Variants in RAPGEF5 observed in about 807,000 individuals in gnomAD.
The protein encoded by RAPGEF5 is Rap guanine nucleotide exchange factor 5, also known as M-Ras-regulated GEF.
A neutral mutation model predicts 125.2 loss-of-function variants in RAPGEF5; 65 were observed. That is an observed-to-expected ratio of 0.52 (90% confidence interval 0.43 to 0.64). The LOEUF (loss-of-function observed/expected upper bound fraction) is 0.64, where lower values mean the gene tolerates loss of function less well. Ranked by LOEUF, RAPGEF5 falls within the 30% of genes least tolerant of loss-of-function variation. The pLI, the probability that RAPGEF5 is intolerant of heterozygous loss-of-function variation, is 0.00. For synonymous variants in RAPGEF5, 391 were observed against 385.9 expected, an observed-to-expected ratio of 1.01 and a Z score of -0.16; for missense variants, 958 against 1,048.1, an observed-to-expected ratio of 0.91 and a Z score of 1.19.
chr7:22,265,787 G>C (rs1406400366), intron 7 of RAPGEF5, among the ~76,000 whole-genome samples: 1 of 152,134 alleles, frequency 6.6e-6, no homozygotes, highest in Non-Finnish European at 1.5e-5. Context: ...GGGATGAGGA[G>C]AAATCTCAAT....
intron 3 of RAPGEF5, among the ~76,000 whole-genome samples, chr7:22,310,840 T>C (rs1474374427): frequency 6.6e-6 from 1 of 152,336 alleles, no homozygotes; most frequent in South Asian, 2.1e-4. Context: ...ATTTTTGTAA[T>C]CTGTCTTAAA....
chr7:22,272,219 C>T (rs28702400), intron 6 of RAPGEF5, among the ~76,000 whole-genome samples: 23,051 of 150,984 alleles, frequency 0.15, 1,818 homozygotes, highest in South Asian at 0.23. Context: ...TGCACGCACC[C>T]GTAATCTCAG....
At chr7:22,260,100 A>AT (rs1782112744) in intron 7 of RAPGEF5, among the ~76,000 whole-genome samples, 1 of 152,188 alleles carries the variant, frequency 6.6e-6, no homozygotes, top group African/African-American at 2.4e-5. Flanking sequence ...AAAAAAAAAA[A>AT]AAATTAATGG....
chr7:22,125,322 G>A (rs188684471), intron 25 of RAPGEF5: 12 of 330,618 alleles, frequency 3.6e-5, no homozygotes, highest in Admixed American at 8.6e-5. Flanking sequence ...AGGAGTCAGC[G>A]GGAGTTGCGG....
Position 22,132,938 on chromosome 7 carries a change from A to C in RAPGEF5, c.2417-1837T>G, listed in dbSNP as rs375262947. Among the ~76,000 whole-genome samples the C allele has an allele frequency of 3.9e-5, 6 of 152,172 alleles. No homozygotes were observed. The East Asian group carries it at 1.2e-3, about 29-fold the overall frequency. ...ATGTGTCAGAGCCAGGATTCAAACA[A>C]AGGGAGGCTGGCTCCCCCTCACCAC... On this transcript the variant is annotated intron_variant, in intron 23 of 25. Transcript: ENST00000665637.
chr7:22,288,421 A>G (rs1782848523), intron 6 of RAPGEF5, among the ~76,000 whole-genome samples: 1 of 151,778 alleles, frequency 6.6e-6, no homozygotes, highest in African/African-American at 2.4e-5. Flanking sequence ...ACTTCCTAAG[A>G]ATATCATCAT....
intron 1 of RAPGEF5, among the ~76,000 whole-genome samples, chr7:22,348,982 G>A (rs1166766860): frequency 2.6e-5 from 4 of 151,680 alleles, no homozygotes; most frequent in Admixed American, 2.0e-4. Context: ...AGGTACTTGG[G>A]AGGGAGGCTG....
At chr7:22,348,453 G>C (rs564311940) in intron 1 of RAPGEF5, among the ~76,000 whole-genome samples, 2 of 152,256 alleles carry the variant, frequency 1.3e-5, no homozygotes, top group African/African-American at 4.8e-5. Flanking sequence ...TAAATCCTGG[G>C]TTACAAGGAA....
At chr7:22,177,236 G>C (rs780639159) in intron 11 of RAPGEF5, among the ~76,000 whole-genome samples, 20 of 152,082 alleles carry the variant, frequency 1.3e-4, no homozygotes, top group Non-Finnish European at 2.2e-4. Context: ...CCACACCCCA[G>C]GCTGATGAAT....
intron 23 of RAPGEF5, among the ~76,000 whole-genome samples, chr7:22,135,733 G>C (rs945127178): frequency 2.0e-5 from 3 of 152,162 alleles, no homozygotes; most frequent in South Asian, 2.1e-4. Context: ...TCGGTGGATT[G>C]TTGGCTCAAA....
At chr7:22,281,322 C>G (rs570536148) in intron 6 of RAPGEF5, among the ~76,000 whole-genome samples, 1 of 152,194 alleles carries the variant, frequency 6.6e-6, no homozygotes, top group East Asian at 1.9e-4. Flanking sequence ...AGCCATCCTC[C>G]CACCTCAGCC....
intron 19 of RAPGEF5, 86 bp downstream of exon 19, chr7:22,146,811 T>C: frequency 7.0e-7 from 1 of 1,427,978 alleles, no homozygotes; most frequent in South Asian, 1.4e-5. Context: ...TCTAGCATAA[T>C]TTCATCACCG....
intron 8 of RAPGEF5, among the ~76,000 whole-genome samples, chr7:22,221,694 C>T (rs527278762): frequency 1.1e-3 from 170 of 152,304 alleles, no homozygotes; most frequent in Admixed American, 3.4e-3. Flanking sequence ...CCATGTAAGA[C>T]ATGCCTTTGC....
rs373075816 is a variant in RAPGEF5 at position 22,193,451 on chromosome 7, C to T, written c.1120G>A (p.Val374Met). Residue 374 changes from valine to methionine, a missense_variant, in exon 11 of 26, where the codon GTG becomes ATG. Coordinates refer to ENST00000665637, the MANE Select transcript of RAPGEF5 (RefSeq NM_012294.5). ...TTCTCCGGGGTCCCGGACACCACCACATATCTGTCAGAGAGCAGAGAGTCC... is the reference window on the plus strand; with the variant it reads ...TTCTCCGGGGTCCCGGACACCACCATATATCTGTCAGAGAGCAGAGAGTCC... ...AGSAESHWRY[V>M]VVSGTPEKIL... 83 of 1,588,530 alleles carry T rather than the reference C, an allele frequency of 5.2e-5. 1 individual carries two copies. The African/African-American group carries it at 1.0e-3, about 20-fold the overall frequency.
rs144557286 is a variant in RAPGEF5, at chr7:22,319,141, C to A, written c.232-1104G>T. 4.6e-3 allele frequency among the ~76,000 whole-genome samples: 693 copies of A among 152,218 alleles called. 2 individuals are homozygous for A. Among genetic ancestry groups the A allele is most frequent in the Non-Finnish European group, 8.1e-3 (554 of 68,014 alleles). On this transcript the variant is annotated intron_variant, in intron 1 of 25. Transcript: ENST00000665637. ...GCACAATACAGAACTATTATCATTT[C>A]CTATTGCAGTATTAAAAAAAGAACA... is the stretch of plus-strand genomic sequence containing the variant.
chr7:22,222,417 A>G (rs191632091), intron 8 of RAPGEF5, among the ~76,000 whole-genome samples: 2 of 152,352 alleles, frequency 1.3e-5, no homozygotes, highest in East Asian at 3.9e-4. Flanking sequence ...GTTTTCTAGT[A>G]AAATGACATC....
rs183573986 is a variant in RAPGEF5, at chr7:22,118,786, A to G, written c.*3620T>C. 22 of 152,734 alleles carry G rather than the reference A, an allele frequency of 1.4e-4. No homozygotes were observed. Among genetic ancestry groups the G allele is most frequent in the African/African-American group, 5.1e-4 (21 of 41,572 alleles). 9.5% of individuals were successfully genotyped at this position (152,734 alleles called of 1,614,324 possible). On this transcript the variant is annotated 3_prime_UTR_variant, in exon 26 of 26. Transcript: ENST00000665637. ...ACAGTGTGATACGAATACAATAAATAGACTATGCAAATAAATATTACTCTG... is the reference window on the plus strand; with the variant it reads ...ACAGTGTGATACGAATACAATAAATGGACTATGCAAATAAATATTACTCTG...
intron 9 of RAPGEF5, among the ~76,000 whole-genome samples, chr7:22,212,297 G>A (rs1347997737): frequency 1.3e-5 from 2 of 152,028 alleles, no homozygotes; most frequent in African/African-American, 4.8e-5. Context: ...TCCTCTGCCT[G>A]GAACACCCAT....
chr7:22,227,217 G>T (rs948899762), intron 8 of RAPGEF5, among the ~76,000 whole-genome samples: 1 of 149,726 alleles, frequency 6.7e-6, no homozygotes, highest in Non-Finnish European at 1.5e-5. Context: ...GGGTAGCAAA[G>T]TTAAAAAAAA....
Sources: allele counts gnomAD v4.1 joint callset (sites outside exome capture counted in the v4.1 genomes callset), GRCh38; gene constraint gnomAD v4.1.1; transcripts MANE v1.5; gene names NCBI Gene and HGNC (gene_info 2026-07-23, HGNC 2026-07-21).